ATOH8: variants seen among roughly 807,000 people sequenced by gnomAD.
ATOH8 encodes the protein transcription factor ATOH8.
A neutral mutation model predicts 21.2 loss-of-function variants in ATOH8; 9 were observed. The ratio of observed to expected loss-of-function variants is 0.42; its 90% CI spans 0.26 to 0.74. ATOH8 has a LOEUF of 0.74. ATOH8 is among the 30% of genes least tolerant of loss of function. The pLI, the probability that ATOH8 is intolerant of heterozygous loss-of-function variation, is 0.24. For missense variants in ATOH8, 524 were observed against 470.9 expected (o/e 1.11, Z -1.04); for synonymous variants, 253 against 224.0 (o/e 1.13, Z -1.16).
rs534719282 is a variant in ATOH8, at chr2:85,754,556, ACGC to A, written c.384_386del (p.Pro130del). 3.3e-3 allele frequency: 4,727 copies of A among 1,437,486 alleles called. 154 individuals carry two copies. The African/African-American group carries it at 0.062, about 19-fold the overall frequency. The allele number at this position is 1,437,486 out of a possible 1,614,324, so 89.0% of individuals were successfully genotyped here. ...AGGCGCAGTGGGGCCAGGACTCCCCACGCCGCCGCCGCCGCCGCCTCCTGCGCC... is the reference window on the plus strand; with the variant it reads ...AGGCGCAGTGGGGCCAGGACTCCCCACGCCGCCGCCGCCGCCTCCTGCGCC... On this transcript the variant is annotated inframe_deletion, in exon 1 of 3. Transcript: ENST00000306279.
rs1391970116 is a variant in ATOH8, at chr2:85,754,863, AAGCCCTGC to A, written c.678_685del (p.Leu227AspfsTer48). Reference sequence around the variant, plus strand: ...GCGACTGCCGCCTCCTCCGAGATCAAAGCCCTGCAGCAGACCCGGAGGCTCCTGGCGAA... The same window carrying A: ...GCGACTGCCGCCTCCTCCGAGATCAAAGCAGACCCGGAGGCTCCTGGCGAA... On this transcript the variant is annotated frameshift_variant, in exon 1 of 3. Transcript: ENST00000306279. LOFTEE classifies it high-confidence loss of function. 1 of 1,612,216 alleles carries A rather than the reference AAGCCCTGC, an allele frequency of 6.2e-7. No homozygotes were observed. Among genetic ancestry groups the A allele is most frequent in the Non-Finnish European group, 8.5e-7 (1 of 1,179,870 alleles).
Position 85,780,507 on chromosome 2 carries a change from G to A in ATOH8, c.961-6378G>A, listed in dbSNP as rs76119852. On this transcript the variant is annotated intron_variant, in intron 2 of 2. Coordinates refer to ENST00000306279, the MANE Select transcript of ATOH8 (RefSeq NM_032827.7). ...TGTGGGGCAGCTGTCTGCACAGCAC[G>A]GCTGAGGCCTGTGCCAGTCCCCTCC... 781 of 152,416 alleles carry A rather than the reference G, an allele frequency of 5.1e-3. 2 individuals are homozygous for A. The highest frequency in any genetic ancestry group is 8.0e-3 in the Non-Finnish European group (543 of 68,106). The allele number at this position is 152,416 out of a possible 1,614,324, so 9.4% of individuals were successfully genotyped here.
intron 1 of ATOH8, 60 bp downstream of exon 1, chr2:85,755,017 G>A: frequency 6.7e-7 from 1 of 1,503,684 alleles, no homozygotes; most frequent in Non-Finnish European, 8.8e-7. Context: ...GAATGGGTGG[G>A]CGAGTGGCCG....
intron 2 of ATOH8, among the ~76,000 whole-genome samples, chr2:85,771,843 C>A (rs1285729035): frequency 6.6e-6 from 1 of 152,258 alleles, no homozygotes; most frequent in African/African-American, 2.4e-5. Flanking sequence ...AAGTTGGGAC[C>A]ACTTCCCTCA....
chr2:85,784,146 CT>C (rs1680567480), intron 2 of ATOH8, among the ~76,000 whole-genome samples: 2 of 152,344 alleles, frequency 1.3e-5, no homozygotes, highest in Admixed American at 6.5e-5. Flanking sequence ...GACCTTCCCC[CT>C]GGTCTCTGTG....
rs755196913 is a variant in ATOH8, at chr2:85,754,683, C to G, written c.494C>G (p.Pro165Arg). 1 of 1,582,636 alleles carries G rather than the reference C, an allele frequency of 6.3e-7. No homozygotes were observed. The highest frequency in any genetic ancestry group is 8.6e-7 in the Non-Finnish European group (1 of 1,166,446). Residue 165 changes from proline (P) to arginine (R), a missense_variant, in exon 1 of 3, where the codon CCG becomes CGG. Coordinates refer to ENST00000306279, the MANE Select transcript of ATOH8 (RefSeq NM_032827.7). ...TGCGCACCGCCCGCGCGCCCCGCGC[C>G]GTCAGCACCCCCAGCACCGCCAGCG... ...LLCAPPARPA[P>R]SAPPAPPAPP... is the part of the protein sequence containing the mutation.
In ATOH8 at chr2:85,789,932, C is replaced by G. The variant is rs1213934958; in HGVS notation, c.*3042C>G. ...GCACAGCAACTTGTGTTCGTATGCACACACATGCATACTCTCTCTCATGGG... is the reference window on the plus strand; with the variant it reads ...GCACAGCAACTTGTGTTCGTATGCAGACACATGCATACTCTCTCTCATGGG... On this transcript the variant is annotated 3_prime_UTR_variant, in exon 3 of 3. Transcript: ENST00000306279. Among the ~76,000 whole-genome samples the G allele has an allele frequency of 6.6e-6, 1 of 150,634 alleles. No individual in the cohort carries two copies. Among genetic ancestry groups the G allele is most frequent in the African/African-American group, 2.5e-5 (1 of 40,384 alleles).
At chr2:85,762,369 C>T (rs558739363) in intron 1 of ATOH8, among the ~76,000 whole-genome samples, 2 of 152,318 alleles carry the variant, frequency 1.3e-5, no homozygotes, top group Admixed American at 6.5e-5. Flanking sequence ...TGTTTGAGCC[C>T]AGTTCAAAAT....
At chr2:85,781,423 C>T (rs186449645) in intron 2 of ATOH8, among the ~76,000 whole-genome samples, 2 of 151,782 alleles carry the variant, frequency 1.3e-5, no homozygotes, top group South Asian at 2.1e-4. Flanking sequence ...AAAAATTAAC[C>T]GGGTGTGATT....
intron 2 of ATOH8, among the ~76,000 whole-genome samples, chr2:85,771,023 A>G (rs1034828996): frequency 3.9e-5 from 6 of 152,052 alleles, no homozygotes; most frequent in African/African-American, 1.4e-4. Context: ...CTGAGCCAAG[A>G]TTCCCCTCTG....
At chr2:85,759,554 C>A (rs1679806691) in intron 1 of ATOH8, among the ~76,000 whole-genome samples, 1 of 152,168 alleles carries the variant, frequency 6.6e-6, no homozygotes, top group African/African-American at 2.4e-5. Context: ...CTCTTAACCA[C>A]CAAGACCCAG....
In ATOH8 at chr2:85,754,457, A is replaced by T; in HGVS notation, c.268A>T (p.Thr90Ser). Reference protein sequence around the residue: ...VAPAVPPRGGTDTAGERGGSR... With the variant: ...VAPAVPPRGGSDTAGERGGSR... Reference sequence around the variant, plus strand: ...GCCGGCCGTTCCCCCAAGAGGGGGCACGGACACAGCCGGGGAGCGCGGGGG... The same window carrying T: ...GCCGGCCGTTCCCCCAAGAGGGGGCTCGGACACAGCCGGGGAGCGCGGGGG... The change falls in exon 1 of 3, where the codon ACG (threonine) becomes TCG (serine). Residue 90 changes from threonine (T) to serine (S), a missense_variant. By Grantham distance (58) the Thr-to-Ser change is moderately conservative. Coordinates refer to ENST00000306279, the MANE Select transcript of ATOH8 (RefSeq NM_032827.7). 6.7e-7 allele frequency: 1 copy of T among 1,501,250 alleles called. No homozygotes were observed. Among genetic ancestry groups the T allele is most frequent in the Non-Finnish European group, 8.8e-7 (1 of 1,134,594 alleles). 93.0% of individuals were successfully genotyped at this position (1,501,250 alleles called of 1,614,324 possible).
intron 2 of ATOH8, among the ~76,000 whole-genome samples, chr2:85,781,908 T>A (rs912935742): frequency 6.9e-6 from 1 of 145,548 alleles, no homozygotes; most frequent in Admixed American, 6.8e-5. Context: ...AAAATAAAAA[T>A]AAAAAAGATG....
At chr2:85,770,623 C>T (rs1184000772) in intron 2 of ATOH8, among the ~76,000 whole-genome samples, 1 of 152,238 alleles carries the variant, frequency 6.6e-6, no homozygotes, top group African/African-American at 2.4e-5. Flanking sequence ...ACAAGTCTGG[C>T]AGGGCCTGGG....
chr2:85,771,911 G>A (rs181294930), intron 2 of ATOH8, among the ~76,000 whole-genome samples: 419 of 152,336 alleles, frequency 2.8e-3, no homozygotes, highest in Non-Finnish European at 3.6e-3. Flanking sequence ...GGGCCACATG[G>A]CCAGGAAGTG....
At chr2:85,772,341 C>T (rs756833045) in intron 2 of ATOH8, among the ~76,000 whole-genome samples, 35 of 152,206 alleles carry the variant, frequency 2.3e-4, no homozygotes, top group Non-Finnish European at 4.0e-4. Flanking sequence ...AGCTGTTCTG[C>T]GAGGCGGGCC....
At chr2:85,759,490 G>A (rs1465323155) in intron 1 of ATOH8, among the ~76,000 whole-genome samples, 1 of 152,132 alleles carries the variant, frequency 6.6e-6, no homozygotes, top group African/African-American at 2.4e-5. Flanking sequence ...GATTGCTCAA[G>A]CCCACAGAGT....
At position 85,754,909 on chromosome 2, in the gene ATOH8, G is replaced by A. The variant is rs1476685562; in HGVS notation, c.720G>A (p.Arg240=). The change falls in exon 1 of 3, where the codon CGG becomes CGA. Residue 240 remains arginine, a synonymous_variant. Coordinates refer to ENST00000306279, the MANE Select transcript of ATOH8 (RefSeq NM_032827.7). ...GGCTCCTGGCGAACGCCAGGGAGCGGACGCGGGTGCACACCATCAGCGCAG... is the reference window on the plus strand; with the variant it reads ...GGCTCCTGGCGAACGCCAGGGAGCGAACGCGGGTGCACACCATCAGCGCAG... ...TRRLLANARE[R]TRVHTISAAF... is the part of the protein sequence containing the mutation. 1 of 1,609,288 alleles carries A rather than the reference G, an allele frequency of 6.2e-7. No homozygotes were observed. The highest frequency in any genetic ancestry group is 8.5e-7 in the Non-Finnish European group (1 of 1,179,702).
chr2:85,761,481 C>T (rs1397190487), intron 1 of ATOH8, among the ~76,000 whole-genome samples: 1 of 152,174 alleles, frequency 6.6e-6, no homozygotes, highest in African/African-American at 2.4e-5. Context: ...ATGGGGGCCT[C>T]TAGATTGGCC....
Sources: gnomAD v4.1 joint callset for allele counts (sites outside exome capture counted in the v4.1 genomes callset) on GRCh38, gnomAD v4.1.1 for gene constraint, MANE v1.5 for transcripts, NCBI Gene and HGNC (gene_info 2026-07-23, HGNC 2026-07-21) for gene names.